NCOA1: variants seen among roughly 807,000 people sequenced by gnomAD.
NCOA1 encodes the protein nuclear receptor coactivator 1.
NCOA1 carries 35 observed loss-of-function variants against 150.9 expected under a neutral mutation model. The observed-to-expected ratio is 0.23, with a 90% CI of 0.18 to 0.31. The LOEUF is 0.31. NCOA1 is among the 10% of genes least tolerant of loss of function. The pLI, the probability that NCOA1 is intolerant of heterozygous loss-of-function variation, is 1.00. For synonymous variants in NCOA1, 590 were observed against 630.0 expected, an observed-to-expected ratio of 0.94 and a Z score of 0.95; for missense variants, 1,491 against 1,749.3, an observed-to-expected ratio of 0.85 and a Z score of 2.63.
chr2:24,750,984 T>G (rs1278538730), intron 19 of NCOA1, among the ~76,000 whole-genome samples: 3 of 150,470 alleles, frequency 2.0e-5, no homozygotes. Context: ...CATACATGGC[T>G]TTTTCTTTTT....
intron 8 of NCOA1, among the ~76,000 whole-genome samples, chr2:24,686,129 G>A (rs564488443): frequency 9.2e-5 from 14 of 152,248 alleles, no homozygotes; most frequent in Non-Finnish European, 1.5e-4. Context: ...AGCCTCCTGA[G>A]TAGCTGGGAT....
chr2:24,576,970 C>T (rs1444896212), intron 2 of NCOA1, among the ~76,000 whole-genome samples: 3 of 151,986 alleles, frequency 2.0e-5, no homozygotes, highest in Non-Finnish European at 2.9e-5. Flanking sequence ...GAATTAAGAC[C>T]CATACTTATT....
chr2:24,664,316 ATATTT>A (rs1671315144), intron 5 of NCOA1, among the ~76,000 whole-genome samples: 1 of 152,214 alleles, frequency 6.6e-6, no homozygotes, highest in Non-Finnish European at 1.5e-5. Context: ...GGTATTTGTA[ATATTT>A]TGTTTTGTGT....
intron 15 of NCOA1, among the ~76,000 whole-genome samples, chr2:24,726,924 G>A (rs1415576322): frequency 6.6e-6 from 1 of 151,494 alleles, no homozygotes; most frequent in Non-Finnish European, 1.5e-5. Context: ...ATCACCTGAG[G>A]TCAGGAGTTT....
intron 1 of NCOA1, among the ~76,000 whole-genome samples, chr2:24,524,718 C>T (rs186102142): frequency 1.3e-5 from 2 of 152,174 alleles, no homozygotes; most frequent in Non-Finnish European, 2.9e-5. Context: ...AGTAATTCTC[C>T]TGCCTCAGCC....
intron 22 of NCOA1, among the ~76,000 whole-genome samples, chr2:24,764,117 C>T (rs1664932331): frequency 6.6e-6 from 1 of 152,184 alleles, no homozygotes; most frequent in Non-Finnish European, 1.5e-5. Flanking sequence ...ATTTAAGCCT[C>T]ACTATAACCC....
At position 24,705,129 on chromosome 2, in the gene NCOA1, A is replaced by G; in HGVS notation, c.993A>G (p.Ile331Met). 1.2e-6 allele frequency: 2 copies of G among 1,614,162 alleles called. No homozygotes were observed. The highest frequency in any genetic ancestry group is 1.7e-6 in the Non-Finnish European group (2 of 1,179,992). Residue 331 changes from isoleucine to methionine, a missense_variant, in exon 12 of 23, where the codon ATA becomes ATG. By Grantham distance (10) the Ile-to-Met change is conservative. This residue lies in a region of NCOA1 where 703 missense variants were observed against 717.7 expected (regional missense o/e 0.98). Coordinates refer to ENST00000348332, the MANE Select transcript of NCOA1 (RefSeq NM_003743.5). Reference sequence around the variant, plus strand: ...CCTCCAGCCCCTCCTATAGATTCATATTGAATGATGGGACAATGCTTAGCG... The same window carrying G: ...CCTCCAGCCCCTCCTATAGATTCATGTTGAATGATGGGACAATGCTTAGCG... ...GTASSPSYRF[I>M]LNDGTMLSAH... is the part of the protein sequence containing the mutation.
At position 24,758,257 on chromosome 2, in the gene NCOA1, C is replaced by G. The variant is rs912505428; in HGVS notation, c.4065+101C>G. ...TTACTCATCAGAAATAGCCACACTTCTTTATTCTTTCCCACTAACTTTTAA... is the reference window on the plus strand; with the variant it reads ...TTACTCATCAGAAATAGCCACACTTGTTTATTCTTTCCCACTAACTTTTAA... On this transcript the variant is annotated intron_variant, in intron 21 of 22. Transcript: ENST00000348332. 4 of 1,093,968 alleles carry G rather than the reference C, an allele frequency of 3.7e-6. No homozygotes were observed. The African/African-American group carries it at 6.5e-5, about 18-fold the overall frequency. The allele number at this position is 1,093,968 out of a possible 1,614,324, so 67.8% of individuals were successfully genotyped here.
chr2:24,661,934 CT>C (rs1671202405), intron 5 of NCOA1, among the ~76,000 whole-genome samples: 1 of 152,096 alleles, frequency 6.6e-6, no homozygotes, highest in Non-Finnish European at 1.5e-5. Context: ...AGTTTCATAT[CT>C]TTTTTCTCTT....
intron 3 of NCOA1, among the ~76,000 whole-genome samples, chr2:24,620,488 C>T (rs1232791518): frequency 6.6e-6 from 1 of 152,122 alleles, no homozygotes; most frequent in African/African-American, 2.4e-5. Flanking sequence ...CCTGTAATCC[C>T]AGCTACTTGG....
chr2:24,591,749 T>A (rs1320149606), intron 3 of NCOA1, among the ~76,000 whole-genome samples: 1 of 152,138 alleles, frequency 6.6e-6, no homozygotes, highest in East Asian at 1.9e-4. Flanking sequence ...TACTTATCTT[T>A]CAGGTCTCTT....
chr2:24,507,866 T>C (rs1347421752), intron 1 of NCOA1, among the ~76,000 whole-genome samples: 1 of 152,194 alleles, frequency 6.6e-6, no homozygotes, highest in African/African-American at 2.4e-5. Flanking sequence ...TTATTTTCCT[T>C]TTCATTTTCT....
chr2:24,547,988 C>CAAAAAACAAA (rs1665670934), intron 1 of NCOA1, among the ~76,000 whole-genome samples: 1 of 74,916 alleles, frequency 1.3e-5, no homozygotes, highest in Non-Finnish European at 2.4e-5. Context: ...GACTCTGTCT[C>CAAAAAACAAA]AAAAAAAAAA....
At chr2:24,678,207 G>A (rs1247836277) in intron 7 of NCOA1, among the ~76,000 whole-genome samples, 1 of 152,148 alleles carries the variant, frequency 6.6e-6, no homozygotes, top group Non-Finnish European at 1.5e-5. Context: ...TCCCTGCAAA[G>A]GACCATGATC....
chr2:24,722,878 T>C (rs932390420), intron 14 of NCOA1, among the ~76,000 whole-genome samples: 1 of 150,892 alleles, frequency 6.6e-6, no homozygotes, highest in African/African-American at 2.4e-5. Flanking sequence ...TAGTCCCAGC[T>C]ACTTGGGGAG....
chr2:24,742,118 T>C lies in NCOA1; in HGVS notation c.3638T>C (p.Ile1213Thr), dbSNP rs753434149. ...SMVSRGMTGN[I>T]GGQFGTGINP... ...GTGAGCAGAGGCATGACAGGAAACA[T>C]AGGAGGACAGTTTGGCACTGGAATC... The change falls in exon 19 of 23, where the codon ATA (isoleucine) becomes ACA (threonine). Residue 1213 changes from isoleucine (I) to threonine (T), a missense_variant. This residue lies in a region of NCOA1 where 485 missense variants were observed against 522.8 expected (regional missense o/e 0.93). Coordinates refer to ENST00000348332, the MANE Select transcript of NCOA1 (RefSeq NM_003743.5). 1.2e-5 allele frequency: 20 copies of C among 1,614,082 alleles called. No individual in the cohort carries two copies. The highest frequency in any genetic ancestry group is 2.2e-5 in the South Asian group (2 of 91,074).
At chr2:24,567,452 C>T (rs759660366) in intron 2 of NCOA1, among the ~76,000 whole-genome samples, 14 of 152,258 alleles carry the variant, frequency 9.2e-5, no homozygotes, top group Middle Eastern at 3.4e-3. Context: ...ATAAATTATT[C>T]TGTAACTTCA....
intron 21 of NCOA1, among the ~76,000 whole-genome samples, chr2:24,761,341 TA>T (rs1427144321): frequency 1.3e-5 from 2 of 152,226 alleles, no homozygotes; most frequent in Non-Finnish European, 2.9e-5. Context: ...AGAACATTTA[TA>T]TTACTGTAGC....
intron 3 of NCOA1, 75 bp downstream of exon 3, chr2:24,584,635 G>GCAA (rs773216377): frequency 6.6e-6 from 1 of 152,174 alleles, no homozygotes; most frequent in Non-Finnish European, 1.5e-5. Context: ...AGTGTGTCAG[G>GCAA]CAACAGTTGG....
Sources: gnomAD v4.1 joint callset for allele counts (sites outside exome capture counted in the v4.1 genomes callset) on GRCh38, gnomAD v4.1.1 for gene constraint, gnomAD v4.1.1 regional missense constraint, MANE v1.5 for transcripts, NCBI Gene and HGNC (gene_info 2026-07-23, HGNC 2026-07-21) for gene names.